Variants in MAD1L1 observed in about 807,000 individuals in gnomAD.
MAD1L1 encodes the protein mitotic arrest deficient 1 like 1, also known as mitotic spindle assembly checkpoint protein MAD1.
A neutral mutation model predicts 96.9 loss-of-function variants in MAD1L1; 95 were observed. That is an observed-to-expected ratio of 0.98 (90% CI 0.83 to 1.16). The LOEUF (loss-of-function observed/expected upper bound fraction) is 1.16, where lower values mean the gene tolerates loss of function less well. Among genes scored for constraint, MAD1L1 ranks in the 50% most tolerant of loss-of-function variants. The probability of loss-of-function intolerance (pLI) is 0.00; values close to 1 mark genes in which losing one functional copy is unlikely to be tolerated. For missense variants in MAD1L1, 1,007 were observed against 954.4 expected (o/e 1.06, Z -0.73); for synonymous variants, 473 against 396.6 (o/e 1.19, Z -2.29).
intron 15 of MAD1L1, among the ~76,000 whole-genome samples, chr7:1,970,992 T>C (rs1326829749): frequency 6.6e-6 from 1 of 152,200 alleles, no homozygotes; most frequent in East Asian, 1.9e-4. Flanking sequence ...ACAGTAGATA[T>C]CCTTAAACTC....
At chr7:1,887,639 G>A (rs1351824706) in intron 18 of MAD1L1, among the ~76,000 whole-genome samples, 2 of 150,352 alleles carry the variant, frequency 1.3e-5, no homozygotes, top group Non-Finnish European at 3.0e-5. Flanking sequence ...GTGTGTGCAT[G>A]CATGCATGTG....
rs1786834448 is a variant in MAD1L1, at chr7:2,102,293, TGTCACCATCACC to T, written c.1074-32967_1074-32956del. On this transcript the variant is annotated intron_variant, in intron 11 of 18. Transcript: ENST00000265854. ...TCACTATCACCACCACCACCGCCAC[TGTCACCATCACC>T]ACCGTCACCATCACCGCCGTCACCA... Among the ~76,000 whole-genome samples, 3 of 142,094 alleles carry T rather than the reference TGTCACCATCACC, an allele frequency of 2.1e-5. 1 individual carries two copies. Among genetic ancestry groups the T allele is most frequent in the Admixed American group, 1.4e-4 (2 of 14,580 alleles). 93.2% of individuals were successfully genotyped at this position (142,094 alleles called of 152,430 possible).
intron 12 of MAD1L1, among the ~76,000 whole-genome samples, chr7:2,066,447 G>A (rs988915809): frequency 3.3e-5 from 5 of 152,354 alleles, no homozygotes; most frequent in Middle Eastern, 3.4e-3. Flanking sequence ...TCAATCCTTC[G>A]TCAGGATAAA....
chr7:1,863,464 C>T (rs4610628), intron 18 of MAD1L1, among the ~76,000 whole-genome samples: 41,558 of 152,210 alleles, frequency 0.27, 6,825 homozygotes, highest in East Asian at 0.46. Flanking sequence ...TGAGACAGCA[C>T]TTCAGTCCTG....
chr7:1,836,900 G>A (rs1583505768), intron 18 of MAD1L1, among the ~76,000 whole-genome samples: 1 of 152,158 alleles, frequency 6.6e-6, no homozygotes, highest in African/African-American at 2.4e-5. Flanking sequence ...TTGTGACCTT[G>A]GGTTAGGTAA....
rs572697810 is a variant in MAD1L1, at chr7:1,931,271, C to T, written c.1807+5416G>A. 4.1e-3 allele frequency among the ~76,000 whole-genome samples: 624 copies of T among 152,208 alleles called. 5 individuals are homozygous for T. Among genetic ancestry groups the T allele is most frequent in the Non-Finnish European group, 4.9e-3 (331 of 67,980 alleles). ...CCACGCACGGTCACAGGAGCGAGGG[C>T]GCGTCGTGGGGTCCACGTCAAGGGT... On this transcript the variant is annotated intron_variant, in intron 17 of 18. Transcript: ENST00000265854.
chr7:2,199,427 G>A (rs1170853780), intron 10 of MAD1L1, among the ~76,000 whole-genome samples: 4 of 152,224 alleles, frequency 2.6e-5, no homozygotes, highest in Admixed American at 1.3e-4. Flanking sequence ...CGTCATGAAG[G>A]GCGCCTGCAG....
chr7:1,901,292 G>C (rs762316021), intron 17 of MAD1L1, among the ~76,000 whole-genome samples: 66 of 152,214 alleles, frequency 4.3e-4, no homozygotes, highest in Non-Finnish European at 5.9e-4. Flanking sequence ...TTTCCGCCTT[G>C]GAAATGTCAT....
chr7:1,838,914 G>A, intron 18 of MAD1L1: 1 of 465,216 alleles, frequency 2.1e-6, no homozygotes, highest in Non-Finnish European at 4.5e-6. Flanking sequence ...CGGGGAGGAG[G>A]CTGGGGACAA....
At position 2,070,352 on chromosome 7, in the gene MAD1L1, A is replaced by G. The variant is rs541914668; in HGVS notation, c.1074-1014T>C. On this transcript the variant is annotated intron_variant, in intron 11 of 18. Transcript: ENST00000265854. ...AGGCGCAGAGAGGAGAGGCTGTCCC[A>G]GGGAGAGGGTGAGTCAGGACTCCAC... Among the ~76,000 whole-genome samples the G allele has an allele frequency of 3.9e-5, 6 of 152,298 alleles. No individual in the cohort carries two copies. The East Asian group carries it at 9.7e-4, about 25-fold the overall frequency.
At chr7:2,115,179 C>T (rs558987081) in intron 11 of MAD1L1, among the ~76,000 whole-genome samples, 5 of 152,362 alleles carry the variant, frequency 3.3e-5, no homozygotes, top group South Asian at 2.1e-4. Flanking sequence ...CACCACGGGG[C>T]GCTGGCTCAG....
intron 11 of MAD1L1, among the ~76,000 whole-genome samples, chr7:2,091,433 TGCTGATGTCTG>T (rs1295879657): frequency 6.6e-6 from 1 of 152,356 alleles, no homozygotes; most frequent in Middle Eastern, 3.4e-3. Context: ...CAGGAGTTCA[TGCTGATGTCTG>T]GCTGGGGTCT....
At chr7:2,183,702 T>C (rs185361995) in intron 10 of MAD1L1, among the ~76,000 whole-genome samples, 178 of 150,092 alleles carry the variant, frequency 1.2e-3, no homozygotes, top group African/African-American at 3.6e-3. Context: ...AATTGAACAA[T>C]GAGAACACAT....
intron 11 of MAD1L1, among the ~76,000 whole-genome samples, chr7:2,094,893 C>T (rs1032530785): frequency 6.6e-6 from 1 of 152,218 alleles, no homozygotes; most frequent in Non-Finnish European, 1.5e-5. Flanking sequence ...GCTGATCACG[C>T]TGTTTCCTGA....
intron 10 of MAD1L1, among the ~76,000 whole-genome samples, chr7:2,197,963 A>C (rs1232082689): frequency 2.0e-5 from 3 of 151,652 alleles, no homozygotes; most frequent in African/African-American, 7.3e-5. Context: ...CCCTGCACCC[A>C]CAGGGCCCAT....
At chr7:2,145,839 G>A (rs1789269970) in intron 11 of MAD1L1, among the ~76,000 whole-genome samples, 1 of 152,202 alleles carries the variant, frequency 6.6e-6, no homozygotes, top group South Asian at 2.1e-4. Flanking sequence ...TAAAAAGGCA[G>A]CAACGGCAGG....
chr7:2,207,988 T>G (rs1390858701), intron 10 of MAD1L1, among the ~76,000 whole-genome samples: 1 of 152,068 alleles, frequency 6.6e-6, no homozygotes, highest in Non-Finnish European at 1.5e-5. Context: ...CTGCTTGGTG[T>G]GGGGGAAACC....
chr7:1,956,770 A>C (rs1279116657), intron 16 of MAD1L1, among the ~76,000 whole-genome samples: 1 of 152,250 alleles, frequency 6.6e-6, no homozygotes, highest in East Asian at 1.9e-4. Context: ...AGGCCCCATC[A>C]GGTGTTCACC....
At chr7:2,061,412 A>G (rs949946411) in intron 12 of MAD1L1, among the ~76,000 whole-genome samples, 1 of 152,278 alleles carries the variant, frequency 6.6e-6, no homozygotes, top group Non-Finnish European at 1.5e-5. Flanking sequence ...AAGCCTGTCC[A>G]GGTGCCCCCA....
Sources: gnomAD v4.1 joint callset for allele counts (sites outside exome capture counted in the v4.1 genomes callset) on GRCh38, gnomAD v4.1.1 for gene constraint, MANE v1.5 for transcripts, NCBI Gene and HGNC (gene_info 2026-07-23, HGNC 2026-07-21) for gene names.